EIF2AK3: variants seen among roughly 807,000 people sequenced by gnomAD.
The protein encoded by EIF2AK3 is eukaryotic translation initiation factor 2-alpha kinase 3.
EIF2AK3 carries 50 observed loss-of-function variants against 113.5 expected under a neutral mutation model. That is an observed-to-expected ratio of 0.44 (90% CI 0.35 to 0.56). The LOEUF is 0.56. Ranked by LOEUF, EIF2AK3 falls within the 20% of genes least tolerant of loss-of-function variation. The probability of loss-of-function intolerance (pLI) is 0.00; values close to 1 mark genes in which losing one functional copy is unlikely to be tolerated. For missense variants in EIF2AK3, 1,185 were observed against 1,378.0 expected, an observed-to-expected ratio of 0.86 and a Z score of 2.22; for synonymous variants, 448 against 495.4, an observed-to-expected ratio of 0.90 and a Z score of 1.27.
At chr2:88,616,454 T>C (rs1675571177) in intron 1 of EIF2AK3, among the ~76,000 whole-genome samples, 1 of 152,164 alleles carries the variant, frequency 6.6e-6, no homozygotes, top group Admixed American at 6.5e-5. Context: ...GAGACAGAGT[T>C]GCGCTCTTGT....
chr2:88,586,127 T>A, intron 8 of EIF2AK3, 66 bp from the exon 9 acceptor site: 1 of 1,271,528 alleles, frequency 7.9e-7, no homozygotes, highest in Non-Finnish European at 1.1e-6. Context: ...CTTTAACTAT[T>A]AAAATTTATC....
intron 2 of EIF2AK3, 50 bp from the exon 3 acceptor site, chr2:88,595,713 T>A (rs768121676): frequency 8.6e-6 from 13 of 1,516,780 alleles, no homozygotes; most frequent in Non-Finnish European, 1.0e-5. Flanking sequence ...AATTATTATT[T>A]TTTTCTTATT....
At chr2:88,626,899 C>T (rs542275082) in intron 1 of EIF2AK3, 68 bp downstream of exon 1, 15 of 1,584,198 alleles carry the variant, frequency 9.5e-6, no homozygotes, top group East Asian at 7.0e-5. Context: ...TCTCCGCCCC[C>T]CTACACCGCA....
intron 15 of EIF2AK3, among the ~76,000 whole-genome samples, chr2:88,559,538 G>GTA (rs1460806883): frequency 2.6e-5 from 4 of 151,202 alleles, no homozygotes; most frequent in Non-Finnish European, 5.9e-5. Flanking sequence ...GTGTGTGTGT[G>GTA]TGTGTATGTA....
chr2:88,577,049 T>C (rs897511182), intron 11 of EIF2AK3, among the ~76,000 whole-genome samples: 15 of 151,676 alleles, frequency 9.9e-5, no homozygotes, highest in African/African-American at 3.6e-4. Flanking sequence ...AGTGGCGCAA[T>C]CTCGGCTCTC....
At chr2:88,596,981 A>G (rs1675036526) in intron 2 of EIF2AK3, among the ~76,000 whole-genome samples, 1 of 152,224 alleles carries the variant, frequency 6.6e-6, no homozygotes, top group African/African-American at 2.4e-5. Context: ...TTAATGACAC[A>G]ATTATTTTCC....
At chr2:88,577,203 G>A (rs962620999) in intron 11 of EIF2AK3, among the ~76,000 whole-genome samples, 19 of 151,962 alleles carry the variant, frequency 1.3e-4, no homozygotes, top group Non-Finnish European at 2.1e-4. Context: ...GGCTAGTCTC[G>A]AACTCCTAAC....
At chr2:88,581,685 T>C (rs1269301559) in intron 10 of EIF2AK3, among the ~76,000 whole-genome samples, 3 of 152,226 alleles carry the variant, frequency 2.0e-5, no homozygotes, top group African/African-American at 4.8e-5. Context: ...CTTTATTCTT[T>C]CTCTCACTGC....
intron 16 of EIF2AK3, among the ~76,000 whole-genome samples, chr2:88,558,653 ATTAC>A (rs1673852396): frequency 6.6e-6 from 1 of 152,198 alleles, no homozygotes; most frequent in Non-Finnish European, 1.5e-5. Flanking sequence ...CTTCAACTTA[ATTAC>A]TTAAGGAAAT....
intron 9 of EIF2AK3, among the ~76,000 whole-genome samples, 170 bp from the exon 10 acceptor site, chr2:88,583,712 A>G (rs1363826733): frequency 6.6e-6 from 1 of 152,216 alleles, no homozygotes; most frequent in African/African-American, 2.4e-5. Flanking sequence ...AAAGAAAAAA[A>G]GTTTATCTTC....
chr2:88,598,151 G>A (rs1675061797), intron 2 of EIF2AK3, among the ~76,000 whole-genome samples: 1 of 152,116 alleles, frequency 6.6e-6, no homozygotes, highest in Non-Finnish European at 1.5e-5. Flanking sequence ...GAATTCACAT[G>A]TTCATACCAA....
intron 10 of EIF2AK3, among the ~76,000 whole-genome samples, chr2:88,581,213 T>TAAA: frequency 7.6e-6 from 1 of 131,150 alleles, no homozygotes; most frequent in South Asian, 2.4e-4. Flanking sequence ...ACTCCCATAT[T>TAAA]AAAAAAAAAA....
chr2:88,612,241 A>G (rs913456554), intron 2 of EIF2AK3, among the ~76,000 whole-genome samples: 1 of 152,314 alleles, frequency 6.6e-6, no homozygotes, highest in African/African-American at 2.4e-5. Context: ...TCAGTTTGCA[A>G]ACACACACAT....
chr2:88,598,017 A>C (rs1179588172), intron 2 of EIF2AK3, among the ~76,000 whole-genome samples: 1 of 151,686 alleles, frequency 6.6e-6, no homozygotes, highest in Non-Finnish European at 1.5e-5. Flanking sequence ...TGTAGATGTG[A>C]GATGAGCCTT....
At chr2:88,607,478 T>C (rs1675308818) in intron 2 of EIF2AK3, among the ~76,000 whole-genome samples, 1 of 152,278 alleles carries the variant, frequency 6.6e-6, no homozygotes, top group East Asian at 1.9e-4. Context: ...ACCTTAACGG[T>C]TTTAGCTTGG....
chr2:88,576,748 C>T (rs375591308), intron 11 of EIF2AK3, 45 bp from the exon 12 acceptor site: 1 of 1,599,894 alleles, frequency 6.3e-7, no homozygotes, highest in South Asian at 1.1e-5. Flanking sequence ...TCCAATTACA[C>T]TGATTTGATC....
At chr2:88,561,714 C>T (rs1263711025) in intron 15 of EIF2AK3, among the ~76,000 whole-genome samples, 3 of 152,170 alleles carry the variant, frequency 2.0e-5, no homozygotes, top group East Asian at 3.9e-4. Context: ...ATAAAATTAG[C>T]CAGGCATAGT....
chr2:88,601,166 T>C (rs1186592202), intron 2 of EIF2AK3, among the ~76,000 whole-genome samples: 1 of 152,226 alleles, frequency 6.6e-6, no homozygotes, highest in Admixed American at 6.5e-5. Context: ...ATCTGATTCT[T>C]TTCCCTCCAC....
chr2:88,558,546 T>C (rs1199746106), intron 16 of EIF2AK3, among the ~76,000 whole-genome samples: 1 of 152,240 alleles, frequency 6.6e-6, no homozygotes, highest in Non-Finnish European at 1.5e-5. Context: ...TATTAATATA[T>C]TGTTATAAAG....
Sources: gnomAD v4.1 joint callset for allele counts (sites outside exome capture counted in the v4.1 genomes callset) on GRCh38, gnomAD v4.1.1 for gene constraint, MANE v1.5 for transcripts, NCBI Gene and HGNC (gene_info 2026-07-23, HGNC 2026-07-21) for gene names.